Variants in POU2F1 observed in about 807,000 individuals in gnomAD.
POU2F1 encodes POU domain, class 2, transcription factor 1.
A neutral mutation model predicts 84.9 loss-of-function variants in POU2F1; 16 were observed. That is an observed-to-expected ratio of 0.19 (90% CI 0.13 to 0.29). The LOEUF (loss-of-function observed/expected upper bound fraction) is 0.29, where lower values mean the gene tolerates loss of function less well. Among genes scored for constraint, POU2F1 ranks in the 10% least tolerant of loss-of-function variants. POU2F1 has a pLI of 1.00. For synonymous variants in POU2F1, 368 were observed against 368.3 expected (o/e 1.00, Z 0.01); for missense variants, 738 against 942.6 (o/e 0.78, Z 2.84).
rs973103784 is a variant in POU2F1 at position 167,374,610 on chromosome 1, C to T, written c.591+314C>T. Among the ~76,000 whole-genome samples, 10 of 152,260 alleles carry T rather than the reference C, an allele frequency of 6.6e-5. No homozygotes were observed. In the East Asian group the frequency reaches 1.5e-3, roughly 23 times the overall value. ...TGTATTTATTTTAATTAGCTAATTA[C>T]AGCAGACATGGATTTTTTTTCATGT... On this transcript the variant is annotated intron_variant, in intron 6 of 15. Coordinates refer to ENST00000367866, the MANE Select transcript of POU2F1 (RefSeq NM_002697.4).
At chr1:167,224,884 G>A (rs1231546374) in intron 1 of POU2F1, among the ~76,000 whole-genome samples, 1 of 146,552 alleles carries the variant, frequency 6.8e-6, no homozygotes, top group Non-Finnish European at 1.5e-5. Flanking sequence ...GCTGGAGTGC[G>A]TTGGTGCGAT....
chr1:167,284,140 G>A lies in POU2F1; in HGVS notation c.62-48330G>A, dbSNP rs116224754. 1.4e-3 allele frequency among the ~76,000 whole-genome samples: 212 copies of A among 152,210 alleles called. 1 individual carries two copies. The highest frequency in any genetic ancestry group is 4.9e-3 in the African/African-American group (204 of 41,552). ...CTTCCTTCATTTTTATTTCCTTAAT[G>A]ATTCAACTTTCTGTCTGCTCTAAAC... On this transcript the variant is annotated intron_variant, in intron 1 of 15. Coordinates refer to ENST00000367866, the MANE Select transcript of POU2F1 (RefSeq NM_002697.4).
At chr1:167,410,182 G>A (rs958847356) in intron 13 of POU2F1, among the ~76,000 whole-genome samples, 3 of 152,224 alleles carry the variant, frequency 2.0e-5, no homozygotes, top group African/African-American at 7.2e-5. Flanking sequence ...AGGGTAGACA[G>A]AGGAAGAAAG....
At chr1:167,239,991 G>C (rs936799022) in intron 1 of POU2F1, among the ~76,000 whole-genome samples, 1 of 145,514 alleles carries the variant, frequency 6.9e-6, no homozygotes, top group Non-Finnish European at 1.5e-5. Context: ...TTATGGAAAG[G>C]CTTTTTTGAC....
intron 1 of POU2F1, among the ~76,000 whole-genome samples, chr1:167,299,655 G>A (rs1458475127): frequency 6.6e-6 from 1 of 150,972 alleles, no homozygotes; most frequent in Non-Finnish European, 1.5e-5. Flanking sequence ...TCTTTTAGAC[G>A]GTGAGATATT....
chr1:167,377,829 C>T (rs2101863798), intron 7 of POU2F1, among the ~76,000 whole-genome samples: 1 of 152,248 alleles, frequency 6.6e-6, no homozygotes, highest in Middle Eastern at 3.4e-3. Flanking sequence ...CCACCCTCTA[C>T]CCTCAAGTAG....
rs188227193 is a variant in POU2F1, at chr1:167,387,170, G to A, written c.814-2418G>A. On this transcript the variant is annotated intron_variant, in intron 8 of 15. Coordinates refer to ENST00000367866, the MANE Select transcript of POU2F1 (RefSeq NM_002697.4). ...ACTCCTGCTCACTGAATTCTACTCT[G>A]CCATTTCTAGATCTGGCCCAGTCCA... 4.4e-5 allele frequency: 20 copies of A among 455,992 alleles called. No individual in the cohort carries two copies. The East Asian group carries it at 1.3e-3, about 30-fold the overall frequency. 28.2% of individuals were successfully genotyped at this position (455,992 alleles called of 1,614,324 possible).
intron 1 of POU2F1, among the ~76,000 whole-genome samples, chr1:167,230,394 A>G (rs915566747): frequency 1.3e-5 from 2 of 152,102 alleles, no homozygotes; most frequent in African/African-American, 2.4e-5. Flanking sequence ...TGCATTTGTA[A>G]AATAAGGGAT....
chr1:167,288,385 T>C (rs1477790295), intron 1 of POU2F1, among the ~76,000 whole-genome samples: 2 of 152,238 alleles, frequency 1.3e-5, no homozygotes, highest in Non-Finnish European at 2.9e-5. Context: ...ATGGTTAGTC[T>C]TATTTTTCAA....
intron 2 of POU2F1, among the ~76,000 whole-genome samples, chr1:167,355,480 C>T (rs1658874061): frequency 6.6e-6 from 1 of 152,122 alleles, no homozygotes; most frequent in Admixed American, 6.5e-5. Flanking sequence ...GGCCCCATGC[C>T]ATTCTATGTA....
chr1:167,400,650 A>G (rs1404756203), intron 12 of POU2F1, among the ~76,000 whole-genome samples: 3 of 152,258 alleles, frequency 2.0e-5, no homozygotes, highest in Non-Finnish European at 2.9e-5. Context: ...CTGAAGAGAC[A>G]TACAGTGGTC....
At chr1:167,355,170 TTC>T (rs1658853421) in intron 2 of POU2F1, among the ~76,000 whole-genome samples, 1 of 151,654 alleles carries the variant, frequency 6.6e-6, no homozygotes, top group African/African-American at 2.4e-5. Context: ...TCATTTTTCT[TTC>T]TTTTTTTTTT....
At chr1:167,253,917 G>T (rs1347827101) in intron 1 of POU2F1, among the ~76,000 whole-genome samples, 1 of 152,006 alleles carries the variant, frequency 6.6e-6, no homozygotes, top group Non-Finnish European at 1.5e-5. Context: ...TTCTAATACA[G>T]GTAGGATAAA....
At chr1:167,247,739 G>T (rs1650440968) in intron 1 of POU2F1, among the ~76,000 whole-genome samples, 1 of 152,104 alleles carries the variant, frequency 6.6e-6, no homozygotes, top group Middle Eastern at 3.2e-3. Context: ...TATTGGAAAA[G>T]ACAAACCTAG....
intron 2 of POU2F1, among the ~76,000 whole-genome samples, chr1:167,355,673 A>C (rs1396775868): frequency 6.6e-6 from 1 of 152,200 alleles, no homozygotes; most frequent in Non-Finnish European, 1.5e-5. Flanking sequence ...TAATAACTGC[A>C]CATTTTTAAT....
intron 1 of POU2F1, among the ~76,000 whole-genome samples, chr1:167,282,059 T>G (rs1049833962): frequency 6.6e-6 from 1 of 152,162 alleles, no homozygotes; most frequent in Non-Finnish European, 1.5e-5. Flanking sequence ...CTAGGGTTCA[T>G]GGACTGGCTC....
At chr1:167,238,692 A>G (rs1260649595) in intron 1 of POU2F1, among the ~76,000 whole-genome samples, 2 of 152,218 alleles carry the variant, frequency 1.3e-5, no homozygotes, top group African/African-American at 4.8e-5. Context: ...AAGAATGGAG[A>G]TACTGCATAT....
intron 1 of POU2F1, among the ~76,000 whole-genome samples, chr1:167,312,312 G>A (rs925362315): frequency 4.0e-5 from 6 of 150,524 alleles, no homozygotes; most frequent in Admixed American, 2.0e-4. Context: ...TCAGCTCACC[G>A]CAACCTCCAC....
At chr1:167,281,478 A>T (rs1196381590) in intron 1 of POU2F1, among the ~76,000 whole-genome samples, 1 of 152,234 alleles carries the variant, frequency 6.6e-6, no homozygotes, top group Admixed American at 6.5e-5. Context: ...TCCCAGCCAT[A>T]GTAGGCTCAG....
Sources: allele counts gnomAD v4.1 joint callset (sites outside exome capture counted in the v4.1 genomes callset), GRCh38; gene constraint gnomAD v4.1.1; transcripts MANE v1.5; gene names NCBI Gene and HGNC (gene_info 2026-07-23, HGNC 2026-07-21).